The following PPP2R2B variants were observed in gnomAD, a reference collection of about 807,000 sequenced individuals.
The protein encoded by PPP2R2B is serine/threonine-protein phosphatase 2A 55 kDa regulatory subunit B beta isoform.
A neutral mutation model predicts 46.0 loss-of-function variants in PPP2R2B; 5 were observed. The observed-to-expected ratio is 0.11, with a 90% CI of 0.06 to 0.23. PPP2R2B has a LOEUF of 0.23. Among genes scored for constraint, PPP2R2B ranks in the 10% least tolerant of loss-of-function variants. The pLI, the probability that PPP2R2B is intolerant of heterozygous loss-of-function variation, is 1.00. For synonymous variants in PPP2R2B, 215 were observed against 206.7 expected (o/e 1.04, Z -0.34); for missense variants, 367 against 575.0 (o/e 0.64, Z 3.70).
At chr5:146,882,593 GA>G (rs958851634), upstream of PPP2R2B, among the ~76,000 whole-genome samples, 19 of 152,242 alleles carry the variant, frequency 1.2e-4, no homozygotes, top group African/African-American at 2.9e-4. Flanking sequence ...ATAATACGTG[GA>G]AAAAATACAT....
intron 5 of PPP2R2B, among the ~76,000 whole-genome samples, chr5:146,686,834 T>C (rs904573838): frequency 5.7e-4 from 86 of 152,108 alleles, no homozygotes; most frequent in African/African-American, 2.0e-3. Context: ...TCAGGCTGAT[T>C]AAGTCACTTT....
chr5:146,640,903 C>T (rs961389878), intron 6 of PPP2R2B, among the ~76,000 whole-genome samples: 5 of 152,168 alleles, frequency 3.3e-5, no homozygotes, highest in Non-Finnish European at 7.4e-5. Flanking sequence ...ACTGGACCTT[C>T]CAAGCCTACC....
intron 2 of PPP2R2B, among the ~76,000 whole-genome samples, chr5:146,741,866 G>A (rs1421452974): frequency 1.3e-5 from 2 of 152,252 alleles, no homozygotes; most frequent in Admixed American, 6.5e-5. Flanking sequence ...TGTTTTGACA[G>A]ATCGATATTA....
At chr5:146,883,102 T>C (rs1269319122), upstream of PPP2R2B, among the ~76,000 whole-genome samples, 1 of 152,212 alleles carries the variant, frequency 6.6e-6, no homozygotes, top group Non-Finnish European at 1.5e-5. Context: ...AGTCTGGAGA[T>C]TCTTAATAGA....
In PPP2R2B at chr5:146,785,276, G is replaced by A. The variant is rs73322136; in HGVS notation, c.71-84134C>T. On this transcript the variant is annotated intron_variant, in intron 2 of 9. Coordinates refer to ENST00000394411, the MANE Select transcript of PPP2R2B (RefSeq NM_181675.4). ...AAGATAAAATAGCTGGCCAGGCACC[G>A]TGTCTCATGCCTGTAACCCAAGCAC... 9.9e-3 allele frequency among the ~76,000 whole-genome samples: 1,506 copies of A among 152,260 alleles called. 21 individuals carry two copies. The highest frequency in any genetic ancestry group is 0.032 in the African/African-American group (1,310 of 41,536).
chr5:146,728,921 A>G (rs1436320158), intron 2 of PPP2R2B, among the ~76,000 whole-genome samples: 1 of 152,206 alleles, frequency 6.6e-6, no homozygotes. Flanking sequence ...ATGAAAACAG[A>G]CTAATACAGC....
intron 2 of PPP2R2B, among the ~76,000 whole-genome samples, chr5:146,723,723 C>G (rs368710241): frequency 6.6e-6 from 1 of 152,070 alleles, no homozygotes; most frequent in East Asian, 1.9e-4. Flanking sequence ...AAAACACACG[C>G]CCTGATCTTC....
intron 1 of PPP2R2B, among the ~76,000 whole-genome samples, chr5:146,965,263 T>G (rs1163130573): frequency 6.6e-6 from 1 of 152,198 alleles, no homozygotes; most frequent in Non-Finnish European, 1.5e-5. Context: ...ATAATAATAT[T>G]TTTCAAGCTA....
chr5:146,977,602 A>C lies in PPP2R2B; in HGVS notation c.79+78063T>G, dbSNP rs185485507. ...CATGTGTTCTCACTGTTCAACTCCC[A>C]CTTATGAGTGAGAACATGCAGCGTT... On this transcript the variant is annotated intron_variant, in intron 1 of 8. Coordinates refer to the PPP2R2B transcript ENST00000336640. 7.4e-3 allele frequency among the ~76,000 whole-genome samples: 1,128 copies of C among 151,998 alleles called. 12 individuals are homozygous for C. Among genetic ancestry groups the C allele is most frequent in the African/African-American group, 0.026 (1,078 of 41,460 alleles).
At chr5:146,649,593 C>T (rs753407807) in intron 6 of PPP2R2B, among the ~76,000 whole-genome samples, 10 of 152,034 alleles carry the variant, frequency 6.6e-5, no homozygotes, top group South Asian at 2.1e-4. Flanking sequence ...TACAGGCGCC[C>T]GCCACCATGC....
chr5:146,964,249 G>C (rs1216706480), intron 1 of PPP2R2B, among the ~76,000 whole-genome samples: 3 of 152,134 alleles, frequency 2.0e-5, no homozygotes, highest in Non-Finnish European at 4.4e-5. Flanking sequence ...ACACTGTTGT[G>C]TGAGCTGTTC....
chr5:146,877,968 C>T, intron 2 of PPP2R2B, 34 bp downstream of exon 2: 1 of 1,602,874 alleles, frequency 6.2e-7, no homozygotes, highest in Non-Finnish European at 8.5e-7. Flanking sequence ...TTGCGCCCGG[C>T]CCCAACGGCG....
At chr5:146,684,773 A>C (rs1003609520) in intron 5 of PPP2R2B, among the ~76,000 whole-genome samples, 1 of 152,114 alleles carries the variant, frequency 6.6e-6, no homozygotes, top group East Asian at 1.9e-4. Flanking sequence ...ATGATTTCTC[A>C]AAGTGTGGTC....
intron 6 of PPP2R2B, among the ~76,000 whole-genome samples, chr5:146,645,296 T>C (rs1039571663): frequency 3.9e-4 from 60 of 152,200 alleles, no homozygotes; most frequent in Admixed American, 1.2e-3. Context: ...AAAGGACATG[T>C]TGCTTGATGA....
rs1779640902 is a variant in PPP2R2B at position 146,703,113 on chromosome 5, A to G, written c.71-1971T>C. ...AGTTGCTTCAGATTGCCCTGCTTGA[A>G]AGTACCAGTGCTAAGTTACACTTCT... On this transcript the variant is annotated intron_variant, in intron 2 of 9. Coordinates refer to ENST00000394411, the MANE Select transcript of PPP2R2B (RefSeq NM_181675.4). Among the ~76,000 whole-genome samples the G allele has an allele frequency of 4.6e-5, 7 of 152,314 alleles. No homozygotes were observed. The South Asian group carries it at 1.5e-3, about 32-fold the overall frequency.
intron 1 of PPP2R2B, among the ~76,000 whole-genome samples, chr5:146,941,599 A>G (rs1764326813): frequency 6.6e-6 from 1 of 152,194 alleles, no homozygotes; most frequent in African/African-American, 2.4e-5. Flanking sequence ...TTTTGTGCCC[A>G]CCTGATAGAA....
intron 1 of PPP2R2B, among the ~76,000 whole-genome samples, chr5:147,001,551 C>T (rs1305545660): frequency 6.6e-6 from 1 of 152,194 alleles, no homozygotes; most frequent in Middle Eastern, 3.2e-3. Flanking sequence ...TCTTTAAGAA[C>T]TGTAACACTC....
At chr5:146,854,100 A>G (rs1760506175) in intron 2 of PPP2R2B, among the ~76,000 whole-genome samples, 4 of 152,116 alleles carry the variant, frequency 2.6e-5, no homozygotes. Flanking sequence ...GACACATAGT[A>G]AGTGCACAAT....
intron 2 of PPP2R2B, among the ~76,000 whole-genome samples, chr5:146,815,414 A>G (rs921338321): frequency 1.3e-5 from 2 of 152,238 alleles, no homozygotes; most frequent in African/African-American, 4.8e-5. Flanking sequence ...TTATCTTAGC[A>G]GGTTGCACAA....
Sources: gnomAD v4.1 joint callset for allele counts (sites outside exome capture counted in the v4.1 genomes callset) on GRCh38, gnomAD v4.1.1 for gene constraint, MANE v1.5 for transcripts, NCBI Gene and HGNC (gene_info 2026-07-23, HGNC 2026-07-21) for gene names.